Variants in NAALADL2 observed in about 807,000 individuals in gnomAD.
The protein encoded by NAALADL2 is inactive N-acetylated-alpha-linked acidic dipeptidase-like protein 2.
NAALADL2 carries 76 observed loss-of-function variants against 87.2 expected under a neutral mutation model. That is an observed-to-expected ratio of 0.87 (90% CI 0.72 to 1.05). The LOEUF is 1.05. Among genes scored for constraint, NAALADL2 ranks in the 50% least tolerant of loss-of-function variants. NAALADL2 has a pLI of 0.00. For missense variants in NAALADL2, 1,089 were observed against 945.8 expected, an observed-to-expected ratio of 1.15 and a Z score of -1.99; for synonymous variants, 354 against 331.0, an observed-to-expected ratio of 1.07 and a Z score of -0.75.
At chr3:174,980,577 G>C (rs1164363901) in intron 1 of NAALADL2, among the ~76,000 whole-genome samples, 3 of 152,056 alleles carry the variant, frequency 2.0e-5, no homozygotes, top group Non-Finnish European at 2.9e-5. Flanking sequence ...GAATCAAAAA[G>C]AAAGATCAAG....
At chr3:174,782,822 AGCATGGAGGTAACCG>A (rs1716155002) in intron 3 of NAALADL2, among the ~76,000 whole-genome samples, 1 of 152,130 alleles carries the variant, frequency 6.6e-6, no homozygotes, top group African/African-American at 2.4e-5. Flanking sequence ...TCACAAGAAC[AGCATGGAGGTAACCG>A]CCCCCATGAT....
At chr3:175,072,206 G>A (rs368806537) in intron 1 of NAALADL2, among the ~76,000 whole-genome samples, 1 of 152,040 alleles carries the variant, frequency 6.6e-6, no homozygotes, top group Non-Finnish European at 1.5e-5. Flanking sequence ...ATTAGGAACT[G>A]GGGAGTCATG....
intron 1 of NAALADL2, among the ~76,000 whole-genome samples, chr3:174,971,034 C>A (rs555819813): frequency 6.6e-6 from 1 of 152,182 alleles, no homozygotes; most frequent in South Asian, 2.1e-4. Context: ...AAAGGCATTT[C>A]TTACATGGTG....
chr3:174,840,354 A>C (rs1056811997), intron 3 of NAALADL2, among the ~76,000 whole-genome samples: 1 of 152,122 alleles, frequency 6.6e-6, no homozygotes, highest in Non-Finnish European at 1.5e-5. Flanking sequence ...AACACCAGCA[A>C]CTAGGAACTG....
intron 12 of NAALADL2, among the ~76,000 whole-genome samples, chr3:175,750,104 A>G (rs1001700321): frequency 2.0e-5 from 3 of 152,192 alleles, no homozygotes; most frequent in African/African-American, 7.2e-5. Context: ...AGATTAAGAC[A>G]CTGAGCCTCA....
rs554334182 is a variant in NAALADL2, at chr3:174,999,326, T to C, written c.44-97464T>C. ...CAGCTAATAGGGGGAAAATTGTATG[T>C]TTAAAAGGTGAATATTTTTCAATTT... On this transcript the variant is annotated intron_variant, in intron 1 of 13. Transcript: ENST00000454872. 5.5e-4 allele frequency among the ~76,000 whole-genome samples: 84 copies of C among 152,280 alleles called. 1 individual carries two copies. Among genetic ancestry groups the C allele is most frequent in the African/African-American group, 1.9e-3 (79 of 41,592 alleles).
chr3:175,014,955 A>G (rs556550607), intron 1 of NAALADL2, among the ~76,000 whole-genome samples: 1 of 151,992 alleles, frequency 6.6e-6, no homozygotes, highest in African/African-American at 2.4e-5. Context: ...GCTACTTTCA[A>G]ATTTAAAAGA....
intron 2 of NAALADL2, among the ~76,000 whole-genome samples, chr3:174,736,805 C>T (rs1733255722): frequency 6.6e-6 from 1 of 152,172 alleles, no homozygotes; most frequent in Non-Finnish European, 1.5e-5. Flanking sequence ...GTCTGTCTTC[C>T]CTTGCCACCC....
In NAALADL2 at chr3:174,919,765, A is replaced by G. The variant is rs1292585274; in HGVS notation, c.43+60315A>G. On this transcript the variant is annotated intron_variant, in intron 1 of 13. Transcript: ENST00000454872. ...TTTTCAATTTACTTCTTCCAGATCTATCAGAGGAATCCCTCTCTGGCAGCT... is the reference window on the plus strand; with the variant it reads ...TTTTCAATTTACTTCTTCCAGATCTGTCAGAGGAATCCCTCTCTGGCAGCT... Among the ~76,000 whole-genome samples the G allele has an allele frequency of 2.6e-5, 4 of 152,336 alleles. No individual in the cohort carries two copies. The East Asian group carries it at 7.7e-4, about 29-fold the overall frequency.
At chr3:175,764,763 A>G (rs1046603178) in intron 13 of NAALADL2, among the ~76,000 whole-genome samples, 1 of 152,124 alleles carries the variant, frequency 6.6e-6, no homozygotes, top group Non-Finnish European at 1.5e-5. Context: ...CTCAGGTATT[A>G]TATGATCAGT....
chr3:175,351,626 T>C (rs142345596), intron 5 of NAALADL2, among the ~76,000 whole-genome samples: 1,606 of 152,156 alleles, frequency 0.011, 10 homozygotes, highest in Non-Finnish European at 0.016. Flanking sequence ...TTTCCCCATA[T>C]TGGACTGGCA....
intron 6 of NAALADL2, among the ~76,000 whole-genome samples, chr3:175,459,171 G>A (rs1349521733): frequency 6.6e-6 from 1 of 151,714 alleles, no homozygotes; most frequent in Non-Finnish European, 1.5e-5. Context: ...TGGAACACAT[G>A]GTATAAGAAC....
chr3:174,785,867 T>G (rs374956132), intron 3 of NAALADL2, among the ~76,000 whole-genome samples: 1 of 152,188 alleles, frequency 6.6e-6, no homozygotes, highest in South Asian at 2.1e-4. Flanking sequence ...ATTTTCTTAT[T>G]CAAGTTTGTC....
intron 3 of NAALADL2, among the ~76,000 whole-genome samples, chr3:174,831,909 G>A (rs1414996106): frequency 6.6e-6 from 1 of 151,270 alleles, no homozygotes; most frequent in African/African-American, 2.4e-5. Context: ...GGTGTTTGTA[G>A]TATTCTCTGA....
intron 2 of NAALADL2, among the ~76,000 whole-genome samples, chr3:175,221,179 A>C (rs1743309061): frequency 6.7e-6 from 1 of 149,114 alleles, no homozygotes; most frequent in Non-Finnish European, 1.5e-5. Context: ...AGCCTGGATG[A>C]CAGAGCAAGA....
At chr3:174,755,557 A>G (rs930360306) in intron 3 of NAALADL2, among the ~76,000 whole-genome samples, 1 of 152,324 alleles carries the variant, frequency 6.6e-6, no homozygotes, top group Non-Finnish European at 1.5e-5. Flanking sequence ...CTTAACATGT[A>G]TATAGCTTGC....
intron 2 of NAALADL2, among the ~76,000 whole-genome samples, chr3:175,226,482 T>A (rs1744168096): frequency 6.6e-6 from 1 of 152,110 alleles, no homozygotes; most frequent in Non-Finnish European, 1.5e-5. Context: ...CTAGCTGCTT[T>A]TTCTAAATAG....
chr3:175,324,370 C>T (rs1760418564), intron 5 of NAALADL2, 45 bp downstream of exon 5: 1 of 1,475,330 alleles, frequency 6.8e-7, no homozygotes, highest in Non-Finnish European at 9.1e-7. Flanking sequence ...GTAAGCATTA[C>T]AAGGTTGCAA....
chr3:175,485,958 A>G (rs1486742498), intron 9 of NAALADL2, among the ~76,000 whole-genome samples: 1 of 152,174 alleles, frequency 6.6e-6, no homozygotes, highest in African/African-American at 2.4e-5. Flanking sequence ...TCTGTGGACC[A>G]GGAGATGGGC....
Sources: allele counts gnomAD v4.1 joint callset (sites outside exome capture counted in the v4.1 genomes callset), GRCh38; gene constraint gnomAD v4.1.1; transcripts MANE v1.5; gene names NCBI Gene and HGNC (gene_info 2026-07-23, HGNC 2026-07-21).